The following DLGAP2 variants were observed in gnomAD, a reference collection of about 807,000 sequenced individuals.
DLGAP2 encodes the protein DLG associated protein 2.
DLGAP2 carries 26 observed loss-of-function variants against 100.3 expected under a neutral mutation model. That is an observed-to-expected ratio of 0.26 (90% confidence interval 0.19 to 0.36). The LOEUF is 0.36. Among genes scored for constraint, DLGAP2 ranks in the 10% least tolerant of loss-of-function variants. DLGAP2 has a pLI of 1.00. For missense variants in DLGAP2, 1,858 were observed against 1,453.2 expected, an observed-to-expected ratio of 1.28 and a Z score of -4.53; for synonymous variants, 886 against 630.1, an observed-to-expected ratio of 1.41 and a Z score of -6.08.
chr8:881,292 A>C (rs1797785834), intron 1 of DLGAP2, among the ~76,000 whole-genome samples: 1 of 151,986 alleles, frequency 6.6e-6, no homozygotes, highest in Non-Finnish European at 1.5e-5. Flanking sequence ...TTGGCTGTGA[A>C]TCTCATTTAT....
At chr8:1,627,326 C>T (rs548596525) in intron 7 of DLGAP2, among the ~76,000 whole-genome samples, 27 of 152,258 alleles carry the variant, frequency 1.8e-4, no homozygotes, top group African/African-American at 6.0e-4. Flanking sequence ...TCCTGCCGGT[C>T]GGCCCCACTC....
At chr8:1,428,663 T>C (rs1309786343) in intron 3 of DLGAP2, among the ~76,000 whole-genome samples, 2 of 152,250 alleles carry the variant, frequency 1.3e-5, no homozygotes, top group Admixed American at 1.3e-4. Context: ...GCCCATACTT[T>C]TAACACAGTG....
intron 6 of DLGAP2, among the ~76,000 whole-genome samples, chr8:1,613,467 C>T (rs1002122617): frequency 2.6e-5 from 4 of 151,264 alleles, no homozygotes; most frequent in South Asian, 4.2e-4. Context: ...GGGTGCAGCG[C>T]ACCAGCATGG....
chr8:1,206,570 G>T (rs1310505392), intron 2 of DLGAP2, among the ~76,000 whole-genome samples: 4 of 77,756 alleles, frequency 5.1e-5, no homozygotes, highest in South Asian at 8.2e-4. Context: ...AGCCATCCGT[G>T]GGCGGGGGTA....
chr8:1,682,956 C>CCAT (rs1195698068), intron 12 of DLGAP2, among the ~76,000 whole-genome samples: 10 of 151,302 alleles, frequency 6.6e-5, no homozygotes, highest in Admixed American at 6.6e-4. Context: ...CTTTTTTGAG[C>CCAT]CATCAGGATC....
At chr8:973,389 TCTC>T (rs1800071392) in intron 2 of DLGAP2, among the ~76,000 whole-genome samples, 1 of 148,420 alleles carries the variant, frequency 6.7e-6, no homozygotes, top group Non-Finnish European at 1.5e-5. Flanking sequence ...GCTCCTCACT[TCTC>T]AGACGGGGCG....
chr8:1,540,702 G>A (rs772778390), intron 4 of DLGAP2, among the ~76,000 whole-genome samples: 3 of 152,228 alleles, frequency 2.0e-5, no homozygotes, highest in African/African-American at 4.8e-5. Flanking sequence ...GCATCACTGC[G>A]GACAGAGCCC....
chr8:940,250 G>A (rs1045209270), intron 2 of DLGAP2, among the ~76,000 whole-genome samples: 28 of 152,136 alleles, frequency 1.8e-4, no homozygotes, highest in Middle Eastern at 3.4e-3. Flanking sequence ...CAATAATGGC[G>A]ACATTCTGAG....
chr8:1,086,211 A>T (rs1803968694), intron 2 of DLGAP2, among the ~76,000 whole-genome samples: 1 of 152,196 alleles, frequency 6.6e-6, no homozygotes, highest in Non-Finnish European at 1.5e-5. Context: ...ATCTGCAAAC[A>T]GGAACAATTT....
intron 6 of DLGAP2, among the ~76,000 whole-genome samples, chr8:1,575,008 C>T (rs1169757771): frequency 6.6e-6 from 1 of 152,160 alleles, no homozygotes; most frequent in Non-Finnish European, 1.5e-5. Context: ...ACACTCACTA[C>T]ACAGGGACAG....
chr8:1,024,677 G>A (rs927034759), intron 2 of DLGAP2, among the ~76,000 whole-genome samples: 29 of 152,312 alleles, frequency 1.9e-4, no homozygotes, highest in Middle Eastern at 3.4e-3. Flanking sequence ...GGAGGAGTGC[G>A]GTGGGTTTGT....
intron 2 of DLGAP2, among the ~76,000 whole-genome samples, chr8:921,963 C>T (rs866168848): frequency 1.3e-5 from 2 of 152,196 alleles, no homozygotes; most frequent in South Asian, 2.1e-4. Context: ...GGGTGGGAGC[C>T]GGCTGCAGGC....
chr8:764,661 G>A (rs1821165801), intron 1 of DLGAP2, among the ~76,000 whole-genome samples: 1 of 152,134 alleles, frequency 6.6e-6, no homozygotes, highest in South Asian at 2.1e-4. Flanking sequence ...AGATACATCA[G>A]TAACCTCTAC....
chr8:1,283,750 A>T (rs1799868520), intron 3 of DLGAP2, among the ~76,000 whole-genome samples: 1 of 152,230 alleles, frequency 6.6e-6, no homozygotes, highest in African/African-American at 2.4e-5. Context: ...CCATAAAAAT[A>T]AGTAAATATT....
chr8:873,509 C>G (rs562610761), intron 1 of DLGAP2, among the ~76,000 whole-genome samples: 1 of 152,268 alleles, frequency 6.6e-6, no homozygotes, highest in East Asian at 1.9e-4. Context: ...CCTTCTATTT[C>G]TAACTTATTG....
rs533002681 is a variant in DLGAP2, at chr8:1,641,099, G to A, written c.1810+8053G>A. ...GTCGGAGTTAGGACAGGAGCCCCTG[G>A]TCTGTGCTGTAGAGAAGGAGTGGAA... On this transcript the variant is annotated intron_variant, in intron 8 of 14. Coordinates refer to ENST00000637795, the MANE Select transcript of DLGAP2 (RefSeq NM_001346810.2). Among the ~76,000 whole-genome samples the A allele has an allele frequency of 5.7e-4, 87 of 152,256 alleles. 1 individual carries two copies. Among genetic ancestry groups the A allele is most frequent in the African/African-American group, 2.0e-3 (81 of 41,534 alleles).
At chr8:1,551,195 A>G (rs918975929) in intron 5 of DLGAP2, among the ~76,000 whole-genome samples, 1 of 152,260 alleles carries the variant, frequency 6.6e-6, no homozygotes, top group Admixed American at 6.5e-5. Flanking sequence ...TGGAAGAGGC[A>G]TAAATTTTGT....
intron 1 of DLGAP2, among the ~76,000 whole-genome samples, chr8:877,894 A>C (rs1413110935): frequency 6.6e-6 from 1 of 152,250 alleles, no homozygotes; most frequent in Non-Finnish European, 1.5e-5. Context: ...AAATGAAGAC[A>C]TCCCAAGTGG....
intron 2 of DLGAP2, among the ~76,000 whole-genome samples, chr8:1,200,866 C>T (rs1289233497): frequency 1.3e-5 from 2 of 152,240 alleles, no homozygotes; most frequent in African/African-American, 4.8e-5. Context: ...TGGCATCGAA[C>T]GATGCGTCCG....
Sources: gnomAD v4.1 joint callset for allele counts (sites outside exome capture counted in the v4.1 genomes callset) on GRCh38, gnomAD v4.1.1 for gene constraint, MANE v1.5 for transcripts, NCBI Gene and HGNC (gene_info 2026-07-23, HGNC 2026-07-21) for gene names.